The following HECTD4 variants were observed in gnomAD, a reference collection of about 807,000 sequenced individuals.
HECTD4 encodes the protein probable E3 ubiquitin-protein ligase HECTD4.
Under a neutral mutation model 471.5 loss-of-function variants are expected in HECTD4, and 114 were observed. That is an observed-to-expected ratio of 0.24 (90% CI 0.21 to 0.28). The LOEUF is 0.28. Ranked by LOEUF, HECTD4 falls within the 10% of genes least tolerant of loss-of-function variation. The pLI is 1.00. For synonymous variants in HECTD4, 2,012 were observed against 2,256.0 expected (o/e 0.89, Z 3.07); for missense variants, 3,866 against 5,651.5 (o/e 0.68, Z 10.13).
intron 1 of HECTD4, among the ~76,000 whole-genome samples, chr12:112,343,739 G>A (rs1355882088): frequency 6.6e-6 from 1 of 151,868 alleles, no homozygotes; most frequent in East Asian, 1.9e-4. Flanking sequence ...CCACTATACT[G>A]CAGCCTGGGC....
In HECTD4 at chr12:112,254,147, C is replaced by T; in HGVS notation, c.3343G>A (p.Gly1115Arg). The T allele has an allele frequency of 1.2e-6, 2 of 1,613,822 alleles. No homozygotes were observed. The highest frequency in any genetic ancestry group is 1.1e-5 in the South Asian group (1 of 91,070). Residue 1115 changes from glycine (G) to arginine (R), a missense_variant, in exon 22 of 76, where the codon GGG (glycine) becomes AGG (arginine). Physicochemically the swap from Gly to Arg is moderately radical, Grantham distance 125. This residue lies in a region of HECTD4 where 281 missense variants were observed against 499.9 expected (regional missense o/e 0.56). Transcript: ENST00000682272. Reference sequence around the variant, plus strand: ...ACCTTCCTACTGTTTGTGTTAGGCCCCGCATATATCACCAACTTCAAAACA... The same window carrying T: ...ACCTTCCTACTGTTTGTGTTAGGCCTCGCATATATCACCAACTTCAAAACA... ...YDYDKLVIYA[G>R]PNTNSRKVAE...
At position 112,247,015 on chromosome 12, in the gene HECTD4, T is replaced by C; in HGVS notation, c.4399A>G (p.Thr1467Ala). The change falls in exon 29 of 76, where the codon ACA becomes GCA. Residue 1467 changes from threonine (T) to alanine (A), a missense_variant. Around this residue, in one of 16 missense-constraint regions of HECTD4, gnomAD observed 281 missense variants for 499.9 expected, o/e 0.56. Transcript: ENST00000682272. The part of the protein sequence containing the change: ...IQKPSHPLAK[T>A]KTLVKSLMNR... ...ATTAAACTCTTCACTAACGTCTTTG[T>C]TTTAGCCAGTGGGTGTGAGGGTTTC... 1 of 1,611,512 alleles carries C rather than the reference T, an allele frequency of 6.2e-7. No homozygotes were observed. Among genetic ancestry groups the C allele is most frequent in the Non-Finnish European group, 8.5e-7 (1 of 1,179,542 alleles).
chr12:112,356,500 A>G, intron 1 of HECTD4, among the ~76,000 whole-genome samples: 1 of 152,104 alleles, frequency 6.6e-6, no homozygotes, highest in South Asian at 2.1e-4. Context: ...GTGCAGTGGC[A>G]TGATCTTGGC....
chr12:112,333,742 G>T (rs889041779), intron 1 of HECTD4, among the ~76,000 whole-genome samples: 6 of 152,162 alleles, frequency 3.9e-5, no homozygotes, highest in African/African-American at 1.4e-4. Context: ...AAATGTTTAA[G>T]TCCACAAGTT....
intron 44 of HECTD4, among the ~76,000 whole-genome samples, chr12:112,225,311 A>G (rs1327420715): frequency 6.6e-6 from 1 of 151,414 alleles, no homozygotes; most frequent in African/African-American, 2.4e-5. Flanking sequence ...AAAGTAATAC[A>G]GACTTTTTAA....
chr12:112,232,773 A>G (rs924505654), intron 38 of HECTD4, among the ~76,000 whole-genome samples: 1 of 152,220 alleles, frequency 6.6e-6, no homozygotes, highest in Non-Finnish European at 1.5e-5. Flanking sequence ...CTTTCTTAAA[A>G]GAGCTAAGAA....
At chr12:112,233,184 T>A in intron 37 of HECTD4, 99 bp from the exon 38 acceptor site, 1 of 675,786 alleles carries the variant, frequency 1.5e-6, no homozygotes, top group Non-Finnish European at 2.6e-6. Flanking sequence ...GGCCCTATTA[T>A]ACACTAACAT....
chr12:112,163,777 G>A lies in HECTD4; in HGVS notation c.12702-40C>T, dbSNP rs991013719. 14 of 1,413,730 alleles carry A rather than the reference G, an allele frequency of 9.9e-6. No homozygotes were observed. Among genetic ancestry groups the A allele is most frequent in the Non-Finnish European group, 1.3e-5 (14 of 1,077,276 alleles). The allele number at this position is 1,413,730 out of a possible 1,614,324, so 87.6% of individuals were successfully genotyped here. On this transcript the variant is annotated intron_variant, in intron 73 of 75. Transcript: ENST00000682272. The surrounding 1 kb of genome is among the most constrained non-coding windows in gnomAD (Gnocchi z 8.2). ...AGCACAGGTGAGGGAGAACACCGCC[G>A]AAGAGGCTGGGTCTGGGGGCCACAC... is the stretch of plus-strand genomic sequence containing the variant.
At chr12:112,356,829 C>A (rs1265620992) in intron 1 of HECTD4, among the ~76,000 whole-genome samples, 3 of 152,134 alleles carry the variant, frequency 2.0e-5, no homozygotes, top group Non-Finnish European at 4.4e-5. Flanking sequence ...GTTTAAGGTT[C>A]TTCTGAACTT....
At position 112,252,486 on chromosome 12, in the gene HECTD4, C is replaced by T. The variant is rs1158408518; in HGVS notation, c.3490G>A (p.Gly1164Ser). 1 of 1,613,286 alleles carries T rather than the reference C, an allele frequency of 6.2e-7. No homozygotes were observed. The highest frequency in any genetic ancestry group is 1.1e-5 in the South Asian group (1 of 90,944). ...TTATCAGGAGTGTTGTGTTCACGGC[C>T]ACTTCTCATTTCAAAGGAGAAGGTG... is the stretch of plus-strand genomic sequence containing the variant. The part of the protein sequence containing the change: ...TVTFSFEMRS[G>S]REHNTPDKAM... Residue 1164 changes from glycine to serine, a missense_variant, in exon 23 of 76, where the codon GGC (glycine) becomes AGC (serine). Coordinates refer to ENST00000682272, the MANE Select transcript of HECTD4 (RefSeq NM_001388303.1).
intron 23 of HECTD4, among the ~76,000 whole-genome samples, chr12:112,251,507 G>A (rs2033886676): frequency 6.6e-6 from 1 of 152,218 alleles, no homozygotes; most frequent in African/African-American, 2.4e-5. Flanking sequence ...AAACTGTGAT[G>A]TTGTCAATGA....
At chr12:112,361,066 CT>C (rs2036440206) in intron 1 of HECTD4, among the ~76,000 whole-genome samples, 1 of 151,718 alleles carries the variant, frequency 6.6e-6, no homozygotes, top group Admixed American at 6.6e-5. Context: ...TTTTTTCCAG[CT>C]TTTAAAAACC....
At chr12:112,167,620 C>A (rs1182138778) in intron 71 of HECTD4, 82 bp from the exon 72 acceptor site, 2 of 1,205,908 alleles carry the variant, frequency 1.7e-6, no homozygotes, top group South Asian at 1.5e-5. Context: ...GCCACCATAC[C>A]CTGTGGCAGG....
At chr12:112,277,445 T>C (rs2135632246) in intron 9 of HECTD4, among the ~76,000 whole-genome samples, 1 of 152,298 alleles carries the variant, frequency 6.6e-6, no homozygotes, top group African/African-American at 2.4e-5. Flanking sequence ...TAAAACAACT[T>C]GGAACCAATA....
chr12:112,175,305 A>T (rs2031396615), intron 66 of HECTD4, among the ~76,000 whole-genome samples: 1 of 152,210 alleles, frequency 6.6e-6, no homozygotes, highest in African/African-American at 2.4e-5. Context: ...TTGTAAGAAC[A>T]GGAGATTAGG....
Position 112,382,120 on chromosome 12 carries a change from C to A in HECTD4, c.9G>T (p.Ser3=). The part of the protein sequence containing the change: MG[S]SAAAAAAAAA... ...CCGCCGCCGCCGCCGCGGCCGCCGACGAGCCCATGGCCCCGGCTGAAGGCT... is the reference window on the plus strand; with the variant it reads ...CCGCCGCCGCCGCCGCGGCCGCCGAAGAGCCCATGGCCCCGGCTGAAGGCT... The change falls in exon 1 of 76, where the codon TCG becomes TCT. Residue 3 remains serine (S), a synonymous_variant. Coordinates refer to ENST00000682272, the MANE Select transcript of HECTD4 (RefSeq NM_001388303.1). 8.2e-7 allele frequency: 1 copy of A among 1,224,418 alleles called. No individual in the cohort carries two copies. Among genetic ancestry groups the A allele is most frequent in the Non-Finnish European group, 1.0e-6 (1 of 984,842 alleles). The allele number at this position is 1,224,418 out of a possible 1,614,324, so 75.8% of individuals were successfully genotyped here. A position where few individuals can be genotyped will look rare whatever the true frequency, so the allele number is the denominator to read the frequency against.
intron 8 of HECTD4, among the ~76,000 whole-genome samples, chr12:112,280,884 G>A (rs1287429659): frequency 6.8e-6 from 1 of 147,154 alleles, no homozygotes; most frequent in Admixed American, 7.0e-5. Context: ...CACTTCCTGT[G>A]TTCCAGCAAT....
chr12:112,239,621 C>T lies in HECTD4; in HGVS notation c.5105+260G>A, dbSNP rs1437130095. Among the ~76,000 whole-genome samples, 2 of 152,068 alleles carry T rather than the reference C, an allele frequency of 1.3e-5. No individual in the cohort carries two copies. The highest frequency in any genetic ancestry group is 2.9e-5 in the Non-Finnish European group (2 of 68,022). On this transcript the variant is annotated intron_variant, in intron 33 of 75. Transcript: ENST00000682272. The surrounding 1 kb of genome is among the most constrained non-coding windows in gnomAD (Gnocchi z 4.9). ...TTTCTGCCAAATATGTAAGTAATTTCCTAGGGACCTTTTATTTTTCTTTGA... is the reference window on the plus strand; with the variant it reads ...TTTCTGCCAAATATGTAAGTAATTTTCTAGGGACCTTTTATTTTTCTTTGA...
intron 4 of HECTD4, among the ~76,000 whole-genome samples, chr12:112,310,999 T>C (rs577492294): frequency 6.6e-6 from 1 of 152,290 alleles, no homozygotes; most frequent in South Asian, 2.1e-4. Flanking sequence ...CAGTGGCTCA[T>C]GCCTGTAATC....
Sources: gnomAD v4.1 joint callset for allele counts (sites outside exome capture counted in the v4.1 genomes callset) on GRCh38, gnomAD v4.1.1 for gene constraint, gnomAD v4.1.1 regional missense constraint, Gnocchi (gnomAD v3.1) non-coding constraint, MANE v1.5 for transcripts, NCBI Gene and HGNC (gene_info 2026-07-23, HGNC 2026-07-21) for gene names.